The following AOAH variants were observed in gnomAD, a reference collection of about 807,000 sequenced individuals.
AOAH encodes the protein acyloxyacyl hydrolase, also known as acyloxyacyl hydrolase (neutrophil).
A neutral mutation model predicts 92.2 loss-of-function variants in AOAH; 64 were observed. The ratio of observed to expected loss-of-function variants is 0.69; its 90% CI spans 0.57 to 0.86. The LOEUF is 0.86. Ranked by LOEUF, AOAH falls within the 40% of genes least tolerant of loss-of-function variation. The pLI, the probability that AOAH is intolerant of heterozygous loss-of-function variation, is 0.00. For synonymous variants in AOAH, 263 were observed against 254.5 expected, an observed-to-expected ratio of 1.03 and a Z score of -0.32; for missense variants, 656 against 694.6, an observed-to-expected ratio of 0.94 and a Z score of 0.62.
At chr7:36,569,000 C>A (rs549959933) in intron 13 of AOAH, among the ~76,000 whole-genome samples, 23 of 152,164 alleles carry the variant, frequency 1.5e-4, no homozygotes, top group Non-Finnish European at 3.1e-4. Flanking sequence ...GCAGGTGAGG[C>A]TGTAAACACA....
chr7:36,515,722 A>C (rs1783633196), intron 20 of AOAH, among the ~76,000 whole-genome samples: 1 of 100,366 alleles, frequency 1.0e-5, no homozygotes, highest in African/African-American at 4.1e-5. Flanking sequence ...CACACCACAC[A>C]CCAACACCAC....
rs368445539 is a variant in AOAH at position 36,669,458 on chromosome 7, T to C, written c.290+4485A>G. 3.4e-4 allele frequency among the ~76,000 whole-genome samples: 52 copies of C among 150,948 alleles called. 1 individual carries two copies. The highest frequency in any genetic ancestry group is 8.5e-4 in the South Asian group (4 of 4,680). On this transcript the variant is annotated intron_variant, in intron 3 of 20. Coordinates refer to ENST00000617537, the MANE Select transcript of AOAH (RefSeq NM_001637.4). ...AGTGCAGTGGCATGATTTTGGCTCA[T>C]TGCAACCTCCACCTCCTGGGTTCAA...
intron 12 of AOAH, among the ~76,000 whole-genome samples, chr7:36,587,636 A>G (rs1290798918): frequency 6.6e-6 from 1 of 152,214 alleles, no homozygotes; most frequent in East Asian, 1.9e-4. Context: ...TAATATAAAA[A>G]AATCATTTTT....
chr7:36,637,949 T>C, intron 4 of AOAH, 39 bp from the exon 5 acceptor site: 1 of 1,500,934 alleles, frequency 6.7e-7, no homozygotes, highest in Non-Finnish European at 9.3e-7. Context: ...AACTCATGTT[T>C]TATCTTTTCT....
At chr7:36,565,845 G>A (rs1156811331) in intron 13 of AOAH, among the ~76,000 whole-genome samples, 2 of 152,024 alleles carry the variant, frequency 1.3e-5, no homozygotes, top group South Asian at 2.1e-4. Flanking sequence ...CTGGCCAAAT[G>A]TGAACATCTT....
At chr7:36,712,137 G>C (rs183468455) in intron 1 of AOAH, among the ~76,000 whole-genome samples, 1 of 152,172 alleles carries the variant, frequency 6.6e-6, no homozygotes, top group African/African-American at 2.4e-5. Context: ...TCAACCTTCT[G>C]TTGGCTCTGT....
At chr7:36,687,255 G>A (rs1002180403) in intron 1 of AOAH, among the ~76,000 whole-genome samples, 2 of 152,096 alleles carry the variant, frequency 1.3e-5, no homozygotes, top group African/African-American at 4.8e-5. Flanking sequence ...TTTCCCATAG[G>A]GCTGCTGTGA....
chr7:36,659,203 G>T lies in AOAH; in HGVS notation c.353C>A (p.Thr118Asn), dbSNP rs1795057542. 1.9e-6 allele frequency: 3 copies of T among 1,613,948 alleles called. No homozygotes were observed. The highest frequency in any genetic ancestry group is 2.5e-6 in the Non-Finnish European group (3 of 1,179,924). Reference protein sequence around the residue: ...CHTLEFCKQNTGQPLCHLYPL... With the variant: ...CHTLEFCKQNNGQPLCHLYPL... ...GTAGAGATGACACAATGGTTGGCCA[G>T]TGTTCTGTTTACAAAACTCCAGAGT... Residue 118 changes from threonine to asparagine, a missense_variant, in exon 4 of 21, where the codon ACT becomes AAT. Transcript: ENST00000617537.
chr7:36,670,667 G>A (rs1290303876), intron 3 of AOAH, among the ~76,000 whole-genome samples: 1 of 152,112 alleles, frequency 6.6e-6, no homozygotes, highest in African/African-American at 2.4e-5. Flanking sequence ...AGTAGAGACA[G>A]GGTTTCACCA....
At chr7:36,630,157 C>T (rs921419120) in intron 6 of AOAH, among the ~76,000 whole-genome samples, 1 of 152,204 alleles carries the variant, frequency 6.6e-6, no homozygotes, top group African/African-American at 2.4e-5. Context: ...TTAGAAGGAG[C>T]GTGGCCCTGC....
chr7:36,519,482 G>A (rs1783999442), intron 20 of AOAH, among the ~76,000 whole-genome samples: 1 of 152,218 alleles, frequency 6.6e-6, no homozygotes, highest in Non-Finnish European at 1.5e-5. Flanking sequence ...CCAGGCTGGA[G>A]TACAATGGCA....
intron 16 of AOAH, among the ~76,000 whole-genome samples, chr7:36,536,196 C>T (rs1158888265): frequency 6.6e-6 from 1 of 152,140 alleles, no homozygotes; most frequent in Non-Finnish European, 1.5e-5. Flanking sequence ...AGGCTGAGTT[C>T]CTGCCTGTCC....
rs1021011337 is a variant in AOAH at position 36,620,933 on chromosome 7, G to C, written c.654-104C>G. 13 of 1,075,978 alleles carry C rather than the reference G, an allele frequency of 1.2e-5. No individual in the cohort carries two copies. The Admixed American group carries it at 2.4e-4, about 20-fold the overall frequency. The allele number at this position is 1,075,978 out of a possible 1,614,324, so 66.7% of individuals were successfully genotyped here. The stretch of plus-strand genomic sequence containing the variant: ...AATGAATGAATGAATGCTACACGAA[G>C]TGCCATGGAGAGACAACAGCATTCT... On this transcript the variant is annotated intron_variant, in intron 8 of 20. Coordinates refer to ENST00000617537, the MANE Select transcript of AOAH (RefSeq NM_001637.4).
chr7:36,615,973 G>A (rs977459450), intron 11 of AOAH, among the ~76,000 whole-genome samples: 1 of 151,988 alleles, frequency 6.6e-6, no homozygotes, highest in Non-Finnish European at 1.5e-5. Flanking sequence ...GCCTTCCGTG[G>A]AGCACAGCAG....
intron 13 of AOAH, 42 bp downstream of exon 13, chr7:36,576,532 T>C (rs1470549384): frequency 8.4e-7 from 1 of 1,190,338 alleles, no homozygotes. Flanking sequence ...AACTCAATCA[T>C]TACAGGAACA....
chr7:36,644,055 G>A (rs1436615587), intron 4 of AOAH, among the ~76,000 whole-genome samples: 2 of 152,184 alleles, frequency 1.3e-5, no homozygotes, highest in Admixed American at 1.3e-4. Context: ...TTACATGCTG[G>A]GGAAATAGTA....
chr7:36,534,733 GGTTAGAAA>G (rs1223718944), intron 16 of AOAH, among the ~76,000 whole-genome samples: 1 of 152,190 alleles, frequency 6.6e-6, no homozygotes, highest in Non-Finnish European at 1.5e-5. Flanking sequence ...GTGACTCCCT[GGTTAGAAA>G]GTCCATCTGG....
chr7:36,540,549 G>A (rs913262675), intron 15 of AOAH, 58 bp from the exon 16 acceptor site: 2 of 1,440,324 alleles, frequency 1.4e-6, no homozygotes, highest in East Asian at 4.6e-5. Context: ...ATGCATGCAA[G>A]TTGCACGCAA....
chr7:36,537,036 G>T (rs1181231963), intron 16 of AOAH, among the ~76,000 whole-genome samples: 1 of 150,132 alleles, frequency 6.7e-6, no homozygotes, highest in South Asian at 2.1e-4. Context: ...TGAGTGATGA[G>T]TCCTGTCAAA....
Sources: allele counts gnomAD v4.1 joint callset (sites outside exome capture counted in the v4.1 genomes callset), GRCh38; gene constraint gnomAD v4.1.1; transcripts MANE v1.5; gene names NCBI Gene and HGNC (gene_info 2026-07-23, HGNC 2026-07-21).